The following ACTR3C variants were observed in gnomAD, a reference collection of about 807,000 sequenced individuals.
ACTR3C encodes actin-related protein 3C.
A neutral mutation model predicts 26.3 loss-of-function variants in ACTR3C; 18 were observed. The observed-to-expected ratio is 0.68, with a 90% CI of 0.47 to 1.01. The LOEUF is 1.01. ACTR3C is among the 50% of genes least tolerant of loss of function. The pLI, the probability that ACTR3C is intolerant of heterozygous loss-of-function variation, is 0.00. For missense variants in ACTR3C, 184 were observed against 250.7 expected (o/e 0.73, Z 1.80); for synonymous variants, 55 against 94.5 (o/e 0.58, Z 2.42).
the ACTR3C span, among the ~76,000 whole-genome samples, chr7:150,018,184 T>C: frequency 6.7e-6 from 1 of 150,110 alleles, no homozygotes; most frequent in African/African-American, 2.5e-5. Context: ...CTCAGCTCAC[T>C]GTGGGCATGC....
At chr7:150,314,540 G>A (rs1796640102) in intron 1 of ACTR3C, among the ~76,000 whole-genome samples, 1 of 152,142 alleles carries the variant, frequency 6.6e-6, no homozygotes, top group African/African-American at 2.4e-5. Context: ...AGGGAGATGT[G>A]TGAAGCAAAT....
the ACTR3C span, among the ~76,000 whole-genome samples, chr7:150,090,043 G>C: frequency 1.3e-5 from 2 of 152,168 alleles, no homozygotes; most frequent in African/African-American, 4.8e-5. Context: ...ATCCTTAGTT[G>C]CTATCTGCAT....
At chr7:150,188,221 T>C in the ACTR3C span, among the ~76,000 whole-genome samples, 1 of 152,208 alleles carries the variant, frequency 6.6e-6, no homozygotes, top group Non-Finnish European at 1.5e-5. Context: ...AGTTTATAGC[T>C]TTTTGATTGT....
the ACTR3C span, among the ~76,000 whole-genome samples, chr7:150,115,035 C>T: frequency 1.3e-5 from 2 of 152,230 alleles, no homozygotes; most frequent in Non-Finnish European, 2.9e-5. Context: ...CCATCCATCC[C>T]AAATTGCCAA....
At chr7:150,052,326 C>T in the ACTR3C span, among the ~76,000 whole-genome samples, 1 of 152,146 alleles carries the variant, frequency 6.6e-6, no homozygotes. Context: ...GTAGTAAGAC[C>T]TTTTACACAC....
chr7:150,026,261 T>A, the ACTR3C span, among the ~76,000 whole-genome samples: 1 of 152,020 alleles, frequency 6.6e-6, no homozygotes, highest in East Asian at 1.9e-4. Flanking sequence ...CATGGTGAAA[T>A]TCATCATAAC....
the ACTR3C span, among the ~76,000 whole-genome samples, chr7:150,216,113 T>C: frequency 6.6e-6 from 1 of 151,182 alleles, no homozygotes; most frequent in Non-Finnish European, 1.5e-5. Flanking sequence ...GGAGATACTC[T>C]TGAAAGCAGA....
At chr7:150,006,917 G>A in the ACTR3C span, among the ~76,000 whole-genome samples, 1 of 152,140 alleles carries the variant, frequency 6.6e-6, no homozygotes, top group Non-Finnish European at 1.5e-5. Context: ...AAATGCAAGA[G>A]GATTTAAATG....
At chr7:149,969,892 C>T in the ACTR3C span, among the ~76,000 whole-genome samples, 125,627 of 152,030 alleles carry the variant, frequency 0.83, 55,412 homozygotes, top group Non-Finnish European at 0.98. Flanking sequence ...AATGTAATTA[C>T]GATGGATTTA....
the ACTR3C span, among the ~76,000 whole-genome samples, chr7:150,029,466 C>T: frequency 2.7e-5 from 4 of 150,284 alleles, no homozygotes; most frequent in Non-Finnish European, 5.9e-5. Context: ...ACTTGACAGG[C>T]TGAGGCAGGA....
chr7:150,297,361 AAC>A (rs1429092880), intron 1 of ACTR3C, among the ~76,000 whole-genome samples: 2 of 150,974 alleles, frequency 1.3e-5, no homozygotes, highest in East Asian at 1.9e-4. Context: ...TTAAAAAAAA[AAC>A]AATAAAATAA....
the ACTR3C span, among the ~76,000 whole-genome samples, chr7:150,129,193 A>G: frequency 2.0e-5 from 3 of 152,034 alleles, no homozygotes; most frequent in African/African-American, 7.2e-5. Flanking sequence ...CTAAGAGGAA[A>G]TTTATGGCAT....
the ACTR3C span, among the ~76,000 whole-genome samples, chr7:150,162,289 T>C: frequency 6.6e-6 from 1 of 152,198 alleles, no homozygotes; most frequent in African/African-American, 2.4e-5. Context: ...ATGTCAGGAT[T>C]GATGTCATTA....
the ACTR3C span, among the ~76,000 whole-genome samples, chr7:150,198,601 C>T: frequency 1.3e-4 from 19 of 148,246 alleles, no homozygotes; most frequent in Non-Finnish European, 1.6e-4. Flanking sequence ...GGAGATCCTC[C>T]GCCCGGCAGC....
At chr7:150,039,375 G>A in the ACTR3C span, among the ~76,000 whole-genome samples, 3 of 97,964 alleles carry the variant, frequency 3.1e-5, no homozygotes, top group East Asian at 7.6e-4. Context: ...CTCCTGCGAT[G>A]GGGGTCCTAA....
chr7:149,952,587 G>GTAAATGAA, the ACTR3C span, among the ~76,000 whole-genome samples: 9 of 146,196 alleles, frequency 6.2e-5, no homozygotes, highest in African/African-American at 2.1e-4. Context: ...ATGTAGATAA[G>GTAAATGAA]TAAATGAATA....
chr7:149,963,339 A>G, the ACTR3C span, among the ~76,000 whole-genome samples: 4 of 152,210 alleles, frequency 2.6e-5, no homozygotes, highest in African/African-American at 7.2e-5. Context: ...TTCTCGGTTT[A>G]TCTACTCTTT....
chr7:150,152,724 C>T, the ACTR3C span, among the ~76,000 whole-genome samples: 24 of 152,108 alleles, frequency 1.6e-4, no homozygotes, highest in Non-Finnish European at 5.9e-5. Context: ...GTACCAGTTC[C>T]TCCTTGTACC....
the ACTR3C span, among the ~76,000 whole-genome samples, chr7:150,081,382 A>C: frequency 1.1e-4 from 17 of 151,766 alleles, no homozygotes; most frequent in African/African-American, 4.1e-4. Flanking sequence ...GAAGGGAGTA[A>C]GGAGAGGCTG....
Sources: allele counts gnomAD v4.1 joint callset (sites outside exome capture counted in the v4.1 genomes callset), GRCh38; gene constraint gnomAD v4.1.1; transcripts MANE v1.5; gene names NCBI Gene and HGNC (gene_info 2026-07-23, HGNC 2026-07-21).